The following STX2 variants were observed in gnomAD, a reference collection of about 807,000 sequenced individuals.
STX2 encodes the protein syntaxin-2.
STX2 carries 27 observed loss-of-function variants against 40.6 expected under a neutral mutation model. That is an observed-to-expected ratio of 0.66 (90% CI 0.49 to 0.92). STX2 has a LOEUF of 0.92. Among genes scored for constraint, STX2 ranks in the 40% least tolerant of loss-of-function variants. STX2 has a pLI of 0.00. For synonymous variants in STX2, 123 were observed against 119.1 expected (o/e 1.03, Z -0.22); for missense variants, 328 against 366.1 (o/e 0.90, Z 0.85).
At chr12:130,839,024 C>T in intron 1 of STX2, 46 bp downstream of exon 1, 1 of 1,282,294 alleles carries the variant, frequency 7.8e-7, no homozygotes. Flanking sequence ...GCCCTCCAGA[C>T]GCCGCCCCGG....
intron 9 of STX2, among the ~76,000 whole-genome samples, 195 bp from the exon 10 acceptor site, chr12:130,796,315 G>A (rs1368760559): frequency 6.6e-6 from 1 of 152,074 alleles, no homozygotes; most frequent in South Asian, 2.1e-4. Context: ...CCAACATGGC[G>A]AAACCCTGTC....
Position 130,830,550 on chromosome 12 carries a change from A to C in STX2, c.31-3283T>G, listed in dbSNP as rs534452846. On this transcript the variant is annotated intron_variant, in intron 1 of 10. Coordinates refer to ENST00000392373, the MANE Select transcript of STX2 (RefSeq NM_194356.4). ...GACCAGGAAAGATCCACATGACTGGAATATGTTTCCTCTATTGTCTTATTT... is the reference window on the plus strand; with the variant it reads ...GACCAGGAAAGATCCACATGACTGGCATATGTTTCCTCTATTGTCTTATTT... Among the ~76,000 whole-genome samples the C allele has an allele frequency of 1.9e-4, 29 of 152,332 alleles. 1 individual carries two copies. The highest frequency in any genetic ancestry group is 1.8e-3 in the Admixed American group (27 of 15,296).
At chr12:130,838,863 A>C (rs1952827323) in intron 1 of STX2, among the ~76,000 whole-genome samples, 1 of 134,932 alleles carries the variant, frequency 7.4e-6, no homozygotes, top group Admixed American at 7.2e-5. Context: ...CCACCCTAGG[A>C]CTCCCGGGAC....
intron 1 of STX2, among the ~76,000 whole-genome samples, chr12:130,828,073 A>G (rs1160916949): frequency 2.6e-5 from 4 of 152,216 alleles, no homozygotes; most frequent in Admixed American, 1.3e-4. Flanking sequence ...CCTCTTGTCC[A>G]TGAAATAGAG....
Position 130,791,961 on chromosome 12 carries a change from A to C in STX2, c.*62T>G, listed in dbSNP as rs1361003679. 1.9e-6 allele frequency: 3 copies of C among 1,606,234 alleles called. No homozygotes were observed. Among genetic ancestry groups the C allele is most frequent in the Non-Finnish European group, 2.6e-6 (3 of 1,174,848 alleles). ...CACAAGCAAAACAATTACACAAATAATAATGAACATCAATTTCTGCAAGAT... is the reference window on the plus strand; with the variant it reads ...CACAAGCAAAACAATTACACAAATACTAATGAACATCAATTTCTGCAAGAT... On this transcript the variant is annotated 3_prime_UTR_variant, in exon 11 of 11. Transcript: ENST00000392373.
intron 1 of STX2, among the ~76,000 whole-genome samples, chr12:130,828,386 C>T (rs1240105504): frequency 7.2e-6 from 1 of 139,824 alleles, no homozygotes; most frequent in African/African-American, 2.6e-5. Flanking sequence ...TGCCACCACA[C>T]CCGGCTTTTT....
rs775285575 is a variant in STX2 at position 130,801,497 on chromosome 12, C to T, written c.464-9G>A. ...TGTGGTGGTTCTCCCAGCTGAAAGACCCGCAACCACAGCCCCACTCAGAAT... is the reference window on the plus strand; with the variant it reads ...TGTGGTGGTTCTCCCAGCTGAAAGATCCGCAACCACAGCCCCACTCAGAAT... On this transcript the variant is annotated splice_polypyrimidine_tract_variant and intron_variant, in intron 6 of 10. Coordinates refer to ENST00000392373, the MANE Select transcript of STX2 (RefSeq NM_194356.4). 2.5e-6 allele frequency: 4 copies of T among 1,594,272 alleles called. No individual in the cohort carries two copies. In the East Asian group the frequency reaches 6.7e-5, roughly 27 times the overall value.
At chr12:130,820,467 A>G (rs1593169543) in intron 3 of STX2, among the ~76,000 whole-genome samples, 1 of 152,172 alleles carries the variant, frequency 6.6e-6, no homozygotes, top group Non-Finnish European at 1.5e-5. Context: ...AGAGTTCAAG[A>G]CCAGCCTGGC....
intron 9 of STX2, 154 bp downstream of exon 9, chr12:130,798,371 T>A: frequency 2.0e-6 from 1 of 508,644 alleles, no homozygotes; most frequent in South Asian, 4.8e-5. Flanking sequence ...ACCTTTTAAA[T>A]TTTTAGCAAA....
chr12:130,818,669 G>GAGACGATGGAGACGGTGC (rs1555222464), intron 3 of STX2, among the ~76,000 whole-genome samples: 3 of 104,684 alleles, frequency 2.9e-5, no homozygotes, highest in Non-Finnish European at 4.6e-5. Flanking sequence ...GGAGACGATG[G>GAGACGATGGAGACGGTGC]AGACGGTGCA....
At chr12:130,818,181 A>ATATATATATATATATATAT (rs1555222320) in intron 3 of STX2, among the ~76,000 whole-genome samples, 3 of 20,176 alleles carry the variant, frequency 1.5e-4, no homozygotes, top group African/African-American at 3.6e-4. Context: ...AAAAAAAAAA[A>ATATATATATATATATATAT]AAAAATATAT....
Position 130,807,086 on chromosome 12 carries a change from G to C in STX2, c.359C>G (p.Ser120Trp). ...VDLRIRRTQH[S>W]VLSRKFVEAM... ...TTCCACAAACTTCCGAGACAGCACC[G>C]AATGCTAACAACACAGGAAAACTAC... The change falls in exon 6 of 11, where the codon TCG becomes TGG. Residue 120 changes from serine to tryptophan, a missense_variant. Transcript: ENST00000392373. The C allele has an allele frequency of 6.2e-7, 1 of 1,614,046 alleles. No homozygotes were observed. Among genetic ancestry groups the C allele is most frequent in the East Asian group, 2.2e-5 (1 of 44,880 alleles).
In STX2 at chr12:130,808,623, T is replaced by C. The variant is rs759496078; in HGVS notation, c.354+8A>G. ...ATTACTTTAATCTAAACGAGGCTGATAGCAAACCTGGGTTCTTCGTATCCG... is the reference window on the plus strand; with the variant it reads ...ATTACTTTAATCTAAACGAGGCTGACAGCAAACCTGGGTTCTTCGTATCCG... On this transcript the variant is annotated splice_region_variant and intron_variant, in intron 5 of 10. Transcript: ENST00000392373. 20 of 1,611,240 alleles carry C rather than the reference T, an allele frequency of 1.2e-5. No individual in the cohort carries two copies. Among genetic ancestry groups the C allele is most frequent in the Admixed American group, 1.0e-4 (6 of 59,336 alleles).
Position 130,813,020 on chromosome 12 carries a change from CTTCTT to C in STX2, c.212_216del (p.Lys71ArgfsTer3), listed in dbSNP as rs756683862. The C allele has an allele frequency of 1.1e-5, 16 of 1,518,206 alleles. No individual in the cohort carries two copies. The highest frequency in any genetic ancestry group is 4.3e-5 in the African/African-American group (3 of 70,194). 94.0% of individuals were successfully genotyped at this position (1,518,206 alleles called of 1,614,324 possible). A position where few individuals can be genotyped will look rare whatever the true frequency, so the allele number is the denominator to read the frequency against. ...ATTTCTTTGTTCAGATCTTCAAGCT[CTTCTT>C]TTATTTCTATAAAAATTTAAAATTA... On this transcript the variant is annotated frameshift_variant, in exon 4 of 11. Coordinates refer to ENST00000392373, the MANE Select transcript of STX2 (RefSeq NM_194356.4). LOFTEE classifies it high-confidence loss of function.
intron 3 of STX2, among the ~76,000 whole-genome samples, chr12:130,814,041 G>C (rs753285028): frequency 6.6e-6 from 1 of 152,184 alleles, no homozygotes; most frequent in Non-Finnish European, 1.5e-5. Context: ...GGTGCCCCGA[G>C]TACCCACTGC....
At chr12:130,815,689 G>A (rs964136302) in intron 3 of STX2, among the ~76,000 whole-genome samples, 10 of 152,188 alleles carry the variant, frequency 6.6e-5, no homozygotes, top group African/African-American at 2.4e-4. Context: ...GCCTGCTAAC[G>A]GCAGCTGAAT....
chr12:130,828,468 G>A (rs1401666365), intron 1 of STX2, among the ~76,000 whole-genome samples: 1 of 139,566 alleles, frequency 7.2e-6, no homozygotes, highest in Admixed American at 8.0e-5. Flanking sequence ...TCGAACTCCT[G>A]AGCTCATGCA....
At chr12:130,816,242 G>A (rs1951854551) in intron 3 of STX2, among the ~76,000 whole-genome samples, 1 of 152,220 alleles carries the variant, frequency 6.6e-6, no homozygotes, top group Admixed American at 6.5e-5. Flanking sequence ...CCACCGCGCA[G>A]CCACAGAAAC....
chr12:130,813,095 A>T, intron 3 of STX2, 64 bp from the exon 4 acceptor site: 3 of 1,001,322 alleles, frequency 3.0e-6, no homozygotes, highest in Non-Finnish European at 4.2e-6. Context: ...AACATAAATG[A>T]TATCCAATAA....
Sources: allele counts gnomAD v4.1 joint callset (sites outside exome capture counted in the v4.1 genomes callset), GRCh38; gene constraint gnomAD v4.1.1; transcripts MANE v1.5; gene names NCBI Gene and HGNC (gene_info 2026-07-23, HGNC 2026-07-21).